The following LRP5 variants were observed in gnomAD, a reference collection of about 807,000 sequenced individuals.
LRP5 encodes the protein LDL receptor related protein 5.
In LRP5, 62 loss-of-function variants were observed where a neutral mutation model predicts 154.1. The ratio of observed to expected loss-of-function variants is 0.40; its 90% confidence interval spans 0.33 to 0.50. LRP5 has a LOEUF of 0.50. LRP5 is among the 20% of genes least tolerant of loss of function. LRP5 has a pLI of 0.55. For synonymous variants in LRP5, 966 were observed against 1,011.5 expected, an observed-to-expected ratio of 0.96 and a Z score of 0.85; for missense variants, 1,915 against 2,336.7, an observed-to-expected ratio of 0.82 and a Z score of 3.72.
Position 68,385,284 on chromosome 11 carries a change from C to T in LRP5, c.1016-1032C>T, listed in dbSNP as rs975124865. On this transcript the variant is annotated intron_variant, in intron 5 of 22. Coordinates refer to ENST00000294304, the MANE Select transcript of LRP5 (RefSeq NM_002335.4). ...CCTGTCCACCTGTGCCGTGGAGGGG[C>T]GTGACCTCAAGCTGCTCAGCCAGCA... Among the ~76,000 whole-genome samples, 8 of 152,298 alleles carry T rather than the reference C, an allele frequency of 5.3e-5. No homozygotes were observed. In the East Asian group the frequency reaches 9.7e-4, roughly 18 times the overall value.
chr11:68,344,729 A>G (rs945258806), intron 1 of LRP5, among the ~76,000 whole-genome samples: 1 of 151,450 alleles, frequency 6.6e-6, no homozygotes, highest in Non-Finnish European at 1.5e-5. Flanking sequence ...GAATTTGCCT[A>G]CCGTAAGTAC....
chr11:68,429,452 G>A, intron 16 of LRP5, 123 bp from the exon 17 acceptor site: 1 of 1,219,684 alleles, frequency 8.2e-7, no homozygotes, highest in Non-Finnish European at 1.2e-6. Context: ...GATCCTCCCA[G>A]AGAGGCCGGG....
At chr11:68,394,122 C>T (rs115287597) in intron 7 of LRP5, among the ~76,000 whole-genome samples, 3,852 of 152,120 alleles carry the variant, frequency 0.025, 174 homozygotes, top group African/African-American at 0.088. Context: ...ATGAGAACAC[C>T]GAAGCTCAAA....
chr11:68,329,205 C>T (rs2098601389), intron 1 of LRP5, among the ~76,000 whole-genome samples: 1 of 152,110 alleles, frequency 6.6e-6, no homozygotes, highest in Non-Finnish European at 1.5e-5. Context: ...TAAATGTATC[C>T]TGCTTTAGAA....
At chr11:68,443,884 C>T (rs528965151) in intron 21 of LRP5, among the ~76,000 whole-genome samples, 4 of 151,706 alleles carry the variant, frequency 2.6e-5, no homozygotes, top group South Asian at 2.1e-4. Flanking sequence ...GTCTCGAACT[C>T]GCGACCTCAG....
intron 1 of LRP5, among the ~76,000 whole-genome samples, chr11:68,325,568 G>A (rs151300983): frequency 0.01 from 1,592 of 152,272 alleles, 21 homozygotes; most frequent in Non-Finnish European, 0.013. Flanking sequence ...CTGCTGTTTC[G>A]GACACCCGAG....
chr11:68,449,194 G>T lies in LRP5; in HGVS notation c.*124G>T. On this transcript the variant is annotated 3_prime_UTR_variant, in exon 23 of 23. Transcript: ENST00000294304. ...TTGGGATTTTAAAAACATGAGAAAT[G>T]TGAACTGTGATGGGGTGGGCAGGGC... The T allele has an allele frequency of 1.4e-5, 7 of 506,428 alleles. No individual in the cohort carries two copies. Among genetic ancestry groups the T allele is most frequent in the African/African-American group, 1.9e-5 (1 of 51,314 alleles). The allele number at this position is 506,428 out of a possible 1,614,324, so 31.4% of individuals were successfully genotyped here.
chr11:68,409,763 T>G, intron 9 of LRP5, 151 bp from the exon 10 acceptor site: 3 of 700,218 alleles, frequency 4.3e-6, no homozygotes, highest in Non-Finnish European at 7.6e-6. Flanking sequence ...GGCTGGAGAA[T>G]CGCTTGAACC....
intron 7 of LRP5, among the ~76,000 whole-genome samples, chr11:68,396,634 G>T (rs982008994): frequency 6.6e-6 from 1 of 152,200 alleles, no homozygotes; most frequent in Non-Finnish European, 1.5e-5. Flanking sequence ...GGAGACGGCG[G>T]ATGGGTCTGG....
At chr11:68,351,221 G>A (rs2098618245) in intron 2 of LRP5, among the ~76,000 whole-genome samples, 2 of 152,084 alleles carry the variant, frequency 1.3e-5, no homozygotes, top group South Asian at 4.1e-4. Flanking sequence ...CAGGGGTGCT[G>A]TGCTGGGCAA....
intron 19 of LRP5, 97 bp from the exon 20 acceptor site, chr11:68,438,348 CA>C: frequency 8.3e-7 from 1 of 1,205,174 alleles, no homozygotes. Context: ...CCACCAGTGG[CA>C]AAGCCAGCCC....
In LRP5 at chr11:68,411,521, A is replaced by G. The variant is rs755589464; in HGVS notation, c.2404A>G (p.Lys802Glu). ...DGTNCMTLVDKVGRANDLTID... is the reference protein window; with the variant it reads ...DGTNCMTLVDEVGRANDLTID... ...GACCAACTGCATGACGCTGGTGGAC[A>G]AGGTGGGCCGGGCCAACGACCTCAC... Residue 802 changes from lysine to glutamate, a missense_variant, in exon 11 of 23, where the codon AAG becomes GAG. Lys to Glu is a moderately conservative substitution (Grantham distance 56). Around this residue, in one of 3 missense-constraint regions of LRP5, gnomAD observed 1,094 missense variants for 1,210.1 expected, o/e 0.90. Transcript: ENST00000294304. 5 of 1,613,674 alleles carry G rather than the reference A, an allele frequency of 3.1e-6. No individual in the cohort carries two copies. Among genetic ancestry groups the G allele is most frequent in the Non-Finnish European group, 3.4e-6 (4 of 1,180,038 alleles).
At chr11:68,440,836 TA>T (rs1380668244) in intron 21 of LRP5, among the ~76,000 whole-genome samples, 2 of 152,032 alleles carry the variant, frequency 1.3e-5, no homozygotes, top group Non-Finnish European at 2.9e-5. Flanking sequence ...GTGTGATCTC[TA>T]GGCTCACCGC....
chr11:68,375,114 G>A (rs1016565546), intron 5 of LRP5, among the ~76,000 whole-genome samples: 4 of 152,198 alleles, frequency 2.6e-5, no homozygotes, highest in Admixed American at 1.3e-4. Context: ...GGACGCCCAC[G>A]TTGCCCAGAC....
chr11:68,339,625 C>T (rs917057177), intron 1 of LRP5, among the ~76,000 whole-genome samples: 5 of 152,148 alleles, frequency 3.3e-5, no homozygotes, highest in African/African-American at 4.8e-5. Context: ...GGATTACAGG[C>T]GTGAGCCACC....
chr11:68,341,059 C>CTTTGTTTTTTTTTTTTTTTT (rs2098608755), intron 1 of LRP5, among the ~76,000 whole-genome samples: 1 of 83,494 alleles, frequency 1.2e-5, no homozygotes, highest in Non-Finnish European at 2.4e-5. Flanking sequence ...GGAGATTGTT[C>CTTTGTTTTTTTTTTTTTTTT]TTTTTTTTTT....
chr11:68,386,355 T>G lies in LRP5; in HGVS notation c.1055T>G (p.Leu352Arg). Residue 352 changes from leucine (L) to arginine (R), a missense_variant, in exon 6 of 23, where the codon CTA (leucine) becomes CGA (arginine). This residue lies in a region of LRP5 where 773 missense variants were observed against 1,100.9 expected (regional missense o/e 0.70). Transcript: ENST00000294304. This position sits in a 1 kb window ranked among gnomAD's most constrained non-coding sequence, Gnocchi z 7.9. ...EVLLLARRTDLRRISLDTPDF... is the reference protein window; with the variant it reads ...EVLLLARRTDRRRISLDTPDF... ...CTGCTGCTGGCCCGGCGGACGGACC[T>G]ACGGAGGATCTCGCTGGACACGCCG... 6.2e-7 allele frequency: 1 copy of G among 1,613,182 alleles called. No homozygotes were observed. Among genetic ancestry groups the G allele is most frequent in the Non-Finnish European group, 8.5e-7 (1 of 1,179,964 alleles).
chr11:68,305,122 T>C, the LRP5 span, among the ~76,000 whole-genome samples: 7 of 152,150 alleles, frequency 4.6e-5, no homozygotes, highest in South Asian at 1.5e-3. Flanking sequence ...TGAACTGTAA[T>C]TCCCAATGTT....
intron 5 of LRP5, among the ~76,000 whole-genome samples, chr11:68,374,765 A>G (rs2098636400): frequency 6.6e-6 from 1 of 152,210 alleles, no homozygotes. Context: ...AAATGGAACC[A>G]CGCAGCTGTG....
Sources: allele counts gnomAD v4.1 joint callset (sites outside exome capture counted in the v4.1 genomes callset), GRCh38; gene constraint gnomAD v4.1.1; regional missense constraint gnomAD v4.1.1; non-coding constraint Gnocchi (gnomAD v3.1); transcripts MANE v1.5; gene names NCBI Gene and HGNC (gene_info 2026-07-23, HGNC 2026-07-21).